The following CLCN4 variants were observed in gnomAD, a reference collection of about 807,000 sequenced individuals.
CLCN4 encodes Cl-/H+ antiporter 4.
Under a neutral mutation model 41.7 loss-of-function variants are expected in CLCN4, and 1 was observed. The observed-to-expected ratio is 0.02, with a 90% CI of 0.01 to 0.11. The LOEUF (loss-of-function observed/expected upper bound fraction) is 0.11, where lower values mean the gene tolerates loss of function less well. Among genes scored for constraint, CLCN4 ranks in the 10% least tolerant of loss-of-function variants. The probability of loss-of-function intolerance (pLI) is 1.00; values close to 1 mark genes in which losing one functional copy is unlikely to be tolerated. For synonymous variants in CLCN4, 277 were observed against 285.8 expected (o/e 0.97, Z 0.31); for missense variants, 287 against 661.0 (o/e 0.43, Z 6.20).
rs1278367948 is a variant in CLCN4, at chrX:10,234,087, AAAAG to A, written c.*507_*510del. Reference sequence around the variant, plus strand: ...TTTGCGCTTACTTTGTTGAAAAAGAAAAAGAAATTAAATTTGAACACAGTGAAAG... The same window carrying A: ...TTTGCGCTTACTTTGTTGAAAAAGAAAAATTAAATTTGAACACAGTGAAAG... On this transcript the variant is annotated 3_prime_UTR_variant, in exon 13 of 13. Coordinates refer to ENST00000380833, the MANE Select transcript of CLCN4 (RefSeq NM_001830.4). 1 of 113,031 alleles carries A rather than the reference AAAAG, an allele frequency of 8.8e-6. No individual in the cohort carries two copies. Among genetic ancestry groups the A allele is most frequent in the Admixed American group, 9.4e-5 (1 of 10,646 alleles). 9.3% of individuals were successfully genotyped at this position (113,031 alleles called of 1,213,427 possible).
At position 10,208,179 on chromosome X, in the gene CLCN4, C is replaced by G; in HGVS notation, c.978C>G (p.Pro326=). The G allele has an allele frequency of 8.3e-7, 1 of 1,211,568 alleles. No homozygotes were observed. The highest frequency in any genetic ancestry group is 1.1e-6 in the Non-Finnish European group (1 of 895,464). ...LVLFYVEYHT[P]WYMAELFPFI... The stretch of plus-strand genomic sequence containing the variant: ...TCTTTTATGTGGAATACCACACGCC[C>G]TGGTACATGGCTGAACTCTTCCCCT... The change falls in exon 9 of 13, where the codon CCC becomes CCG. Residue 326 remains proline, a synonymous_variant. Coordinates refer to ENST00000380833, the MANE Select transcript of CLCN4 (RefSeq NM_001830.4).
intron 2 of CLCN4, among the ~76,000 whole-genome samples, chrX:10,165,280 G>A (rs913755395): frequency 1.1e-4 from 12 of 112,776 alleles, no homozygotes; most frequent in Non-Finnish European, 1.9e-4. Flanking sequence ...ATGTGAGACC[G>A]GAGCCTTCCT....
chrX:10,195,237 C>T (rs1240972883), intron 5 of CLCN4, 139 bp downstream of exon 5: 7 of 556,833 alleles, frequency 1.3e-5, no homozygotes, highest in Non-Finnish European at 2.0e-5. Flanking sequence ...CACTAGATGA[C>T]GGGCTTTTTC....
intron 9 of CLCN4, among the ~76,000 whole-genome samples, chrX:10,210,723 A>G (rs1477951898): frequency 1.1e-5 from 1 of 94,705 alleles, no homozygotes; most frequent in African/African-American, 4.1e-5. Context: ...TGGCACAATC[A>G]TGGGTCACTG....
At chrX:10,213,042 A>G (rs1924607584) in intron 10 of CLCN4, among the ~76,000 whole-genome samples, 2 of 107,856 alleles carry the variant, frequency 1.9e-5, no homozygotes, top group South Asian at 9.9e-4. Context: ...ATCATCTAAC[A>G]CAAAGCCTAT....
chrX:10,217,954 G>T (rs999348644), intron 11 of CLCN4, among the ~76,000 whole-genome samples: 5 of 110,413 alleles, frequency 4.5e-5, no homozygotes, highest in African/African-American at 6.6e-5. Flanking sequence ...TGTTGGTCAG[G>T]CTGGTCTCGA....
At chrX:10,176,381 G>A (rs1274390397) in intron 2 of CLCN4, among the ~76,000 whole-genome samples, 2 of 112,853 alleles carry the variant, frequency 1.8e-5, no homozygotes, top group African/African-American at 6.4e-5. Context: ...TTTCCATATT[G>A]TCCGTGGCTG....
chrX:10,177,222 T>G (rs1386041488), intron 2 of CLCN4, among the ~76,000 whole-genome samples: 1 of 112,753 alleles, frequency 8.9e-6, no homozygotes, highest in African/African-American at 3.2e-5. Context: ...CAGGCATTGA[T>G]GTGTCTATGG....
intron 4 of CLCN4, among the ~76,000 whole-genome samples, chrX:10,192,872 G>A (rs1455469410): frequency 8.9e-6 from 1 of 112,255 alleles, no homozygotes; most frequent in Non-Finnish European, 1.9e-5. Flanking sequence ...CAGAGGTGGA[G>A]CTGCTGGGAT....
At chrX:10,206,283 A>G (rs1924385597) in intron 6 of CLCN4, 75 bp from the exon 7 acceptor site, 1 of 769,182 alleles carries the variant, frequency 1.3e-6, no homozygotes, top group African/African-American at 2.1e-5. Flanking sequence ...CGTGTCTCTC[A>G]GAGGAATTAT....
chrX:10,185,110 G>T lies in CLCN4; in HGVS notation c.78G>T (p.Thr26=), dbSNP rs371533172. ...ATGAGCCGTTCCCTGATGTGGGGAC[G>T]TATGAGGACTTCCACACCATCGACT... ...FLDEPFPDVG[T]YEDFHTIDWL... is the part of the protein sequence containing the mutation. The change falls in exon 3 of 13, where the codon ACG becomes ACT. Residue 26 remains threonine (T), a synonymous_variant. Coordinates refer to ENST00000380833, the MANE Select transcript of CLCN4 (RefSeq NM_001830.4). The T allele has an allele frequency of 8.3e-7, 1 of 1,209,896 alleles. No individual in the cohort carries two copies. The highest frequency in any genetic ancestry group is 3.0e-5 in the East Asian group (1 of 33,826).
intron 8 of CLCN4, among the ~76,000 whole-genome samples, chrX:10,207,617 T>C (rs904699845): frequency 8.9e-6 from 1 of 112,278 alleles, no homozygotes; most frequent in Non-Finnish European, 1.9e-5. Flanking sequence ...TTTTCACCTT[T>C]TTCAATCAAT....
intron 2 of CLCN4, among the ~76,000 whole-genome samples, chrX:10,169,775 CTTTTTCTTTTCTTTTCTT>C (rs1923341036): frequency 2.4e-5 from 2 of 84,990 alleles, no homozygotes; most frequent in African/African-American, 1.1e-4. Flanking sequence ...CTTTTTTTTT[CTTTTTCTTTTCTTTTCTT>C]TTTTTTTTTT....
At chrX:10,161,412 G>A (rs1477262321) in intron 2 of CLCN4, among the ~76,000 whole-genome samples, 1 of 111,951 alleles carries the variant, frequency 8.9e-6, no homozygotes, top group East Asian at 2.8e-4. Flanking sequence ...ATCTGGCCTT[G>A]TCTCTTCAAC....
intron 12 of CLCN4, among the ~76,000 whole-genome samples, chrX:10,223,055 C>A (rs1179355099): frequency 9.0e-6 from 1 of 111,689 alleles, no homozygotes; most frequent in Non-Finnish European, 1.9e-5. Flanking sequence ...CTGGGCCCTG[C>A]CACAGAGGTA....
At chrX:10,171,176 C>T (rs913007173) in intron 2 of CLCN4, among the ~76,000 whole-genome samples, 1 of 112,319 alleles carries the variant, frequency 8.9e-6, no homozygotes, top group Non-Finnish European at 1.9e-5. Flanking sequence ...GTGTGAGCCA[C>T]CGCGTCCGGC....
intron 9 of CLCN4, among the ~76,000 whole-genome samples, chrX:10,211,925 C>G (rs150626776): frequency 4.7e-3 from 528 of 111,864 alleles, no homozygotes; most frequent in African/African-American, 0.016. Context: ...CCTCGTCTCT[C>G]TCTGACAGGT....
Position 10,212,685 on chromosome X carries a change from CG to C in CLCN4, c.1576+36del, listed in dbSNP as rs748795719. 2.2e-5 allele frequency: 25 copies of C among 1,151,494 alleles called. No homozygotes were observed. The African/African-American group carries it at 3.6e-4, about 16-fold the overall frequency. The allele number at this position is 1,151,494 out of a possible 1,213,427, so 94.9% of individuals were successfully genotyped here. A position where few individuals can be genotyped will look rare whatever the true frequency, so the allele number is the denominator to read the frequency against. On this transcript the variant is annotated intron_variant, in intron 10 of 12. Coordinates refer to ENST00000380833, the MANE Select transcript of CLCN4 (RefSeq NM_001830.4). ...CCATGGGTGGGGCAGGGAGGGGGAC[CG>C]GGGAACTAATCTGGCTTAGAGGACT...
intron 3 of CLCN4, among the ~76,000 whole-genome samples, chrX:10,185,926 G>A (rs1923799158): frequency 8.9e-6 from 1 of 111,752 alleles, no homozygotes; most frequent in Admixed American, 9.5e-5. Flanking sequence ...GCTGCAAAGG[G>A]AGAAACAGGA....
Sources: allele counts gnomAD v4.1 joint callset (sites outside exome capture counted in the v4.1 genomes callset), GRCh38; gene constraint gnomAD v4.1.1; transcripts MANE v1.5; gene names NCBI Gene and HGNC (gene_info 2026-07-23, HGNC 2026-07-21).